OTOG: variants seen among roughly 807,000 people sequenced by gnomAD.
OTOG encodes otogelin.
A neutral mutation model predicts 313.8 loss-of-function variants in OTOG; 296 were observed. The observed-to-expected ratio is 0.94, with a 90% confidence interval of 0.86 to 1.04. The LOEUF (loss-of-function observed/expected upper bound fraction) is 1.04. Ranked by LOEUF, OTOG falls within the 50% of genes least tolerant of loss-of-function variation. OTOG has a pLI of 0.00. For synonymous variants in OTOG, 1,533 were observed against 1,554.9 expected (o/e 0.99, Z 0.33); for missense variants, 3,948 against 3,840.1 (o/e 1.03, Z -0.74).
At chr11:17,571,076 G>T (rs1341475414) in intron 17 of OTOG, among the ~76,000 whole-genome samples, 1 of 152,224 alleles carries the variant, frequency 6.6e-6, no homozygotes, top group Non-Finnish European at 1.5e-5. Context: ...CACATTAGGG[G>T]ATGCAGAAGG....
chr11:17,632,534 A>G (rs971436922), intron 42 of OTOG, among the ~76,000 whole-genome samples: 7 of 152,144 alleles, frequency 4.6e-5, no homozygotes, highest in African/African-American at 1.4e-4. Flanking sequence ...GTAAGTGGAG[A>G]CTGTAACCAT....
rs534824946 is a variant in OTOG, at chr11:17,610,250, C to A, written c.4950C>A (p.Ser1650=). 123 of 1,550,568 alleles carry A rather than the reference C, an allele frequency of 7.9e-5. No individual in the cohort carries two copies. The African/African-American group carries it at 1.5e-3, about 18-fold the overall frequency. Residue 1650 remains serine (S), a synonymous_variant, in exon 36 of 56, where the codon TCC becomes TCA. Transcript: ENST00000399397. ...TASPSSRPVA[S]PGAISRSPTS... Reference sequence around the variant, plus strand: ...GTCCCTCCTCCAGACCTGTGGCTTCCCCTGGAGCCATCTCCAGGTCCCCCA... The same window carrying A: ...GTCCCTCCTCCAGACCTGTGGCTTCACCTGGAGCCATCTCCAGGTCCCCCA...
chr11:17,585,683 C>T (rs139859381), intron 23 of OTOG, among the ~76,000 whole-genome samples: 4 of 152,274 alleles, frequency 2.6e-5, no homozygotes, highest in Non-Finnish European at 2.9e-5. Flanking sequence ...AGTGATGCAT[C>T]GTGCCATGCT....
chr11:17,588,787 A>T (rs1278596558), intron 24 of OTOG, among the ~76,000 whole-genome samples: 1 of 151,980 alleles, frequency 6.6e-6, no homozygotes, highest in Non-Finnish European at 1.5e-5. Context: ...ACCCTAGTGG[A>T]GTGAGGAGTC....
At chr11:17,591,166 A>G (rs1038209663) in intron 24 of OTOG, among the ~76,000 whole-genome samples, 2 of 152,218 alleles carry the variant, frequency 1.3e-5, no homozygotes, top group African/African-American at 4.8e-5. Flanking sequence ...GGGTAAGTGA[A>G]TGAATGGAGT....
At chr11:17,622,840 C>T (rs756486193) in intron 39 of OTOG, among the ~76,000 whole-genome samples, 9 of 152,144 alleles carry the variant, frequency 5.9e-5, no homozygotes, top group African/African-American at 9.7e-5. Context: ...CTTCGATATA[C>T]GGATTTCCTT....
At chr11:17,559,864 A>AGAAG (rs143683334) in intron 12 of OTOG, among the ~76,000 whole-genome samples, 5 of 140,090 alleles carry the variant, frequency 3.6e-5, no homozygotes, top group South Asian at 2.5e-4. Context: ...AAGGAAGGGA[A>AGAAG]GAAGGAAGGA....
chr11:17,640,894 G>A lies in OTOG; in HGVS notation c.8012-19G>A, dbSNP rs552178414. ...GCCTGGGCTCTGGATGACTGTTGCCGCCCTGCATGCCCATCCAGTGAAGGC... is the reference window on the plus strand; with the variant it reads ...GCCTGGGCTCTGGATGACTGTTGCCACCCTGCATGCCCATCCAGTGAAGGC... On this transcript the variant is annotated intron_variant, in intron 50 of 55. Coordinates refer to ENST00000399397, the MANE Select transcript of OTOG (RefSeq NM_001292063.2). 2.5e-5 allele frequency: 39 copies of A among 1,548,396 alleles called. No homozygotes were observed. The highest frequency in any genetic ancestry group is 1.7e-4 in the Middle Eastern group (1 of 6,012).
chr11:17,559,531 A>T lies in OTOG; in HGVS notation c.1214-3A>T. ...GAGAGACCATGGATCCCTCCTTCCC[A>T]AGCTGTGCACTGCAAGGAGAAGGCC... On this transcript the variant is annotated splice_region_variant and splice_polypyrimidine_tract_variant and intron_variant, in intron 11 of 55. Transcript: ENST00000399397. 6.4e-7 allele frequency: 1 copy of T among 1,550,572 alleles called. No homozygotes were observed. The highest frequency in any genetic ancestry group is 8.7e-7 in the Non-Finnish European group (1 of 1,146,992).
At chr11:17,590,040 C>T (rs1488602493) in intron 24 of OTOG, among the ~76,000 whole-genome samples, 1 of 152,108 alleles carries the variant, frequency 6.6e-6, no homozygotes, top group Non-Finnish European at 1.5e-5. Flanking sequence ...TGGAGCAACC[C>T]AAGAGACCTC....
Position 17,591,530 on chromosome 11 carries a change from G to T in OTOG, c.2948G>T (p.Arg983Leu). The T allele has an allele frequency of 1.3e-6, 2 of 1,550,634 alleles. No individual in the cohort carries two copies. Among genetic ancestry groups the T allele is most frequent in the East Asian group, 2.4e-5 (1 of 40,926 alleles). The change falls in exon 25 of 56, where the codon CGC becomes CTC. Residue 983 changes from arginine to leucine, a missense_variant. Arg to Leu is a moderately radical substitution (Grantham distance 102, BLOSUM62 -2). Coordinates refer to ENST00000399397, the MANE Select transcript of OTOG (RefSeq NM_001292063.2). ...ACTGCCTATGGGGACCGGCATTACC[G>T]CACGTTTGATGGGCTCCCGTTTGAC... Reference protein sequence around the residue: ...TCTAYGDRHYRTFDGLPFDFV... With the variant: ...TCTAYGDRHYLTFDGLPFDFV...
Position 17,553,165 on chromosome 11 carries a change from C to T in OTOG, c.339C>T (p.Phe113=). 1 of 1,550,570 alleles carries T rather than the reference C, an allele frequency of 6.4e-7. No homozygotes were observed. The highest frequency in any genetic ancestry group is 8.7e-7 in the Non-Finnish European group (1 of 1,146,990). The change falls in exon 5 of 56, where the codon TTC becomes TTT. Residue 113 remains phenylalanine, a synonymous_variant. Transcript: ENST00000399397. ...FNGGECVHPA[F]CDCRRFNATG... ...GAGGCGAGTGTGTGCACCCAGCCTT[C>T]TGTGACTGCAGACGCTTCAATGCCA...
rs1402788756 is a variant in OTOG, at chr11:17,591,460, C to T, written c.2878C>T (p.Arg960Trp). ...GCATGTGTTTTTCAGTGTGTGCCAG[C>T]GGGGCTCATTCCAGTGCACCCTGCA... ...MSPCHTCVCQ[R>W]GSFQCTLHPC... Residue 960 changes from arginine to tryptophan, a missense_variant, in exon 25 of 56, where the codon CGG (arginine) becomes TGG (tryptophan). Coordinates refer to ENST00000399397, the MANE Select transcript of OTOG (RefSeq NM_001292063.2). 1.6e-5 allele frequency: 25 copies of T among 1,550,606 alleles called. No individual in the cohort carries two copies. Among genetic ancestry groups the T allele is most frequent in the Middle Eastern group, 1.7e-4 (1 of 6,014 alleles).
At position 17,645,761 on chromosome 11, in the gene OTOG, C is replaced by T. The variant is rs1234069771; in HGVS notation, c.8559C>T (p.Cys2853=). 25 of 1,550,770 alleles carry T rather than the reference C, an allele frequency of 1.6e-5. No individual in the cohort carries two copies. In the East Asian group the frequency reaches 1.7e-4, roughly 11 times the overall value. The stretch of plus-strand genomic sequence containing the variant: ...CGTTCCAGGTGAACCTAGTGTCCTG[C>T]GATGGGAGGTGCCCATCCGCCAGCA... The part of the protein sequence containing the change: ...RSSTPVNLVS[C]DGRCPSASIY... Residue 2853 remains cysteine (C), a synonymous_variant, in exon 56 of 56, where the codon TGC becomes TGT. Transcript: ENST00000399397.
At chr11:17,592,054 T>C (rs918463300) in intron 25 of OTOG, among the ~76,000 whole-genome samples, 5 of 152,070 alleles carry the variant, frequency 3.3e-5, no homozygotes, top group African/African-American at 1.2e-4. Context: ...TGGGGTCAAG[T>C]TTGACCAAGA....
intron 47 of OTOG, among the ~76,000 whole-genome samples, chr11:17,636,235 TA>T (rs1174912687): frequency 6.6e-6 from 1 of 152,310 alleles, no homozygotes; most frequent in East Asian, 1.9e-4. Flanking sequence ...TGTAGACATG[TA>T]TAGTATGTGC....
intron 23 of OTOG, among the ~76,000 whole-genome samples, chr11:17,581,795 T>C (rs2134042052): frequency 6.6e-6 from 1 of 152,346 alleles, no homozygotes; most frequent in South Asian, 2.1e-4. Context: ...GAATATATAA[T>C]GTTTATCTAT....
Position 17,609,806 on chromosome 11 carries a change from T to C in OTOG, c.4506T>C (p.Ala1502=), listed in dbSNP as rs1853480021. ...TPTHRPALTP[A]APLTTALNPP... ...CCCACAGGCCAGCCCTCACCCCAGC[T>C]GCCCCACTCACCACAGCCCTGAACC... The change falls in exon 36 of 56, where the codon GCT becomes GCC. Residue 1502 remains alanine (A), a synonymous_variant. Coordinates refer to ENST00000399397, the MANE Select transcript of OTOG (RefSeq NM_001292063.2). 9 of 1,545,148 alleles carry C rather than the reference T, an allele frequency of 5.8e-6. No individual in the cohort carries two copies. Among genetic ancestry groups the C allele is most frequent in the Non-Finnish European group, 7.9e-6 (9 of 1,144,234 alleles).
intron 40 of OTOG, 48 bp from the exon 41 acceptor site, chr11:17,631,654 G>A (rs1188244984): frequency 7.0e-7 from 1 of 1,432,936 alleles, no homozygotes; most frequent in African/African-American, 1.4e-5. Context: ...GACGACATGG[G>A]AGTGGTAGTG....
Sources: gnomAD v4.1 joint callset for allele counts (sites outside exome capture counted in the v4.1 genomes callset) on GRCh38, gnomAD v4.1.1 for gene constraint, MANE v1.5 for transcripts, NCBI Gene and HGNC (gene_info 2026-07-23, HGNC 2026-07-21) for gene names.